TMTC4: variants seen among roughly 807,000 people sequenced by gnomAD.
TMTC4 encodes transmembrane O-mannosyltransferase targeting cadherins 4.
In TMTC4, 65 loss-of-function variants were observed where a neutral mutation model predicts 86.0. The observed-to-expected ratio is 0.76, with a 90% CI of 0.62 to 0.93. The LOEUF is 0.93. Among genes scored for constraint, TMTC4 ranks in the 40% least tolerant of loss-of-function variants. The probability of loss-of-function intolerance (pLI) is 0.00; values close to 1 mark genes in which losing one functional copy is unlikely to be tolerated. For synonymous variants in TMTC4, 379 were observed against 382.5 expected, an observed-to-expected ratio of 0.99 and a Z score of 0.11; for missense variants, 866 against 948.1, an observed-to-expected ratio of 0.91 and a Z score of 1.14.
intron 12 of TMTC4, 34 bp from the exon 13 acceptor site, chr13:100,626,184 C>CA: frequency 6.2e-7 from 1 of 1,604,880 alleles, no homozygotes; most frequent in South Asian, 1.1e-5. Flanking sequence ...CATCAGCAGA[C>CA]AGACTTCTTG....
chr13:100,647,760 CTCCTCTAGAAT>C (rs1210696691), intron 6 of TMTC4, among the ~76,000 whole-genome samples: 19 of 152,308 alleles, frequency 1.2e-4, no homozygotes, highest in East Asian at 1.9e-4. Context: ...AAGTGATGGG[CTCCTCTAGAAT>C]TCCTCTAGAT....
At chr13:100,609,699 A>ACACC (rs1877257929) in intron 17 of TMTC4, among the ~76,000 whole-genome samples, 2 of 151,912 alleles carry the variant, frequency 1.3e-5, no homozygotes, top group South Asian at 2.1e-4. Flanking sequence ...ACACACACAC[A>ACACC]CACCCATACA....
chr13:100,615,807 A>G (rs1435908424), intron 15 of TMTC4, among the ~76,000 whole-genome samples: 2 of 152,176 alleles, frequency 1.3e-5, no homozygotes, highest in African/African-American at 4.8e-5. Flanking sequence ...TTACATGGGT[A>G]AATTGTGTGA....
intron 6 of TMTC4, among the ~76,000 whole-genome samples, chr13:100,647,888 G>A (rs1883955057): frequency 6.6e-6 from 1 of 152,134 alleles, no homozygotes; most frequent in African/African-American, 2.4e-5. Flanking sequence ...AGAAAACACA[G>A]CCTTCAGGTT....
chr13:100,674,870 C>T, upstream of TMTC4: 1 of 980,476 alleles, frequency 1.0e-6, no homozygotes, highest in Non-Finnish European at 1.2e-6. Context: ...CCCCGCGCCG[C>T]GCCTCCCGCA....
intron 2 of TMTC4, 149 bp downstream of exon 2, chr13:100,670,211 G>A (rs922704952): frequency 5.3e-6 from 4 of 756,144 alleles, no homozygotes; most frequent in African/African-American, 1.8e-5. Flanking sequence ...CAGTTTGGAT[G>A]TATTTGTTTC....
intron 17 of TMTC4, among the ~76,000 whole-genome samples, chr13:100,610,509 C>G (rs1877391532): frequency 1.3e-5 from 2 of 152,220 alleles, no homozygotes; most frequent in Admixed American, 6.5e-5. Flanking sequence ...TCCTGAAGAT[C>G]TCATCGTGAG....
chr13:100,664,680 C>T (rs1164349458), intron 3 of TMTC4, among the ~76,000 whole-genome samples: 1 of 152,180 alleles, frequency 6.6e-6, no homozygotes, highest in Non-Finnish European at 1.5e-5. Context: ...TCACCCTCAA[C>T]TCTTCATGGC....
chr13:100,633,783 T>C (rs1283323336), intron 12 of TMTC4, among the ~76,000 whole-genome samples: 4 of 152,230 alleles, frequency 2.6e-5, no homozygotes, highest in African/African-American at 9.6e-5. Context: ...GTGACTGTAC[T>C]GAATGCTGGA....
intron 10 of TMTC4, 76 bp downstream of exon 10, chr13:100,636,456 A>G (rs1434423359): frequency 5.2e-6 from 8 of 1,530,158 alleles, no homozygotes; most frequent in Non-Finnish European, 7.2e-6. Context: ...AAATCATAAA[A>G]ATGATCAGCG....
chr13:100,645,762 T>G (rs1022033234), intron 6 of TMTC4, among the ~76,000 whole-genome samples: 4 of 152,218 alleles, frequency 2.6e-5, no homozygotes, highest in African/African-American at 9.6e-5. Flanking sequence ...TCACAAGCAC[T>G]TGATTTTCTG....
chr13:100,665,433 G>C (rs1333836422), intron 3 of TMTC4, among the ~76,000 whole-genome samples: 1 of 152,220 alleles, frequency 6.6e-6, no homozygotes, highest in Admixed American at 6.5e-5. Flanking sequence ...ATTCTTCAAA[G>C]GGGAGTTTGC....
chr13:100,672,403 C>G (rs1887225085), intron 1 of TMTC4, among the ~76,000 whole-genome samples: 1 of 152,212 alleles, frequency 6.6e-6, no homozygotes. Context: ...GACTTCTGTT[C>G]CTCAATGACC....
At chr13:100,647,289 G>A (rs1883877662) in intron 6 of TMTC4, among the ~76,000 whole-genome samples, 1 of 152,136 alleles carries the variant, frequency 6.6e-6, no homozygotes, top group African/African-American at 2.4e-5. Flanking sequence ...GAGACCCCTG[G>A]CCCCTGCCGG....
At chr13:100,650,462 G>A (rs1283224) in intron 6 of TMTC4, among the ~76,000 whole-genome samples, 108,572 of 152,158 alleles carry the variant, frequency 0.71, 39,798 homozygotes, top group East Asian at 0.99. Context: ...AAAGCATCAC[G>A]TTGTACAAGT....
intron 17 of TMTC4, among the ~76,000 whole-genome samples, chr13:100,609,452 C>T (rs1281596126): frequency 6.6e-6 from 1 of 152,104 alleles, no homozygotes; most frequent in Non-Finnish European, 1.5e-5. Context: ...ACTCTATCAA[C>T]ATAACCTGCA....
At chr13:100,658,449 C>A (rs1193874742) in intron 5 of TMTC4, among the ~76,000 whole-genome samples, 1 of 152,032 alleles carries the variant, frequency 6.6e-6, no homozygotes, top group Non-Finnish European at 1.5e-5. Flanking sequence ...GGACTGGAAT[C>A]CCAACCCTTT....
At position 100,637,914 on chromosome 13, in the gene TMTC4, A is replaced by G. The variant is rs754037943; in HGVS notation, c.834+16T>C. The G allele has an allele frequency of 2.4e-5, 38 of 1,592,826 alleles. No homozygotes were observed. Among genetic ancestry groups the G allele is most frequent in the Non-Finnish European group, 3.1e-5 (36 of 1,166,398 alleles). On this transcript the variant is annotated intron_variant, in intron 8 of 18. Transcript: ENST00000342624. Reference sequence around the variant, plus strand: ...CATTTTCCATGTCTGGGCTGGAGATAAAAGTACAGACTCACCTCTAATGAC... The same window carrying G: ...CATTTTCCATGTCTGGGCTGGAGATGAAAGTACAGACTCACCTCTAATGAC...
chr13:100,604,858 A>G lies in TMTC4; in HGVS notation c.*136T>C. 1 of 970,586 alleles carries G rather than the reference A, an allele frequency of 1.0e-6. No homozygotes were observed. Among genetic ancestry groups the G allele is most frequent in the South Asian group, 2.9e-5 (1 of 34,994 alleles). The allele number at this position is 970,586 out of a possible 1,614,324, so 60.1% of individuals were successfully genotyped here. A position where few individuals can be genotyped will look rare whatever the true frequency, so the allele number is the denominator to read the frequency against. ...ATTGCTGGTGCTATAATCTTTTTGC[A>G]TGTCTTTGTTTTCATAGAAAAAAAT... On this transcript the variant is annotated 3_prime_UTR_variant, in exon 19 of 19. Coordinates refer to ENST00000342624, the MANE Select transcript of TMTC4 (RefSeq NM_032813.5).
Sources: gnomAD v4.1 joint callset for allele counts (sites outside exome capture counted in the v4.1 genomes callset) on GRCh38, gnomAD v4.1.1 for gene constraint, MANE v1.5 for transcripts, NCBI Gene and HGNC (gene_info 2026-07-23, HGNC 2026-07-21) for gene names.